IQCM: variants seen among roughly 807,000 people sequenced by gnomAD.
The protein encoded by IQCM is IQ domain-containing protein M.
A neutral mutation model predicts 57.6 loss-of-function variants in IQCM; 45 were observed. That is an observed-to-expected ratio of 0.78 (90% CI 0.62 to 1.00). The LOEUF is 1.00. IQCM is among the 50% of genes least tolerant of loss of function. IQCM has a pLI of 0.00. For synonymous variants in IQCM, 148 were observed against 158.9 expected (o/e 0.93, Z 0.51); for missense variants, 468 against 511.6 (o/e 0.91, Z 0.82).
intron 5 of IQCM, among the ~76,000 whole-genome samples, chr4:149,702,055 T>C (rs1763811471): frequency 6.6e-6 from 1 of 151,958 alleles, no homozygotes; most frequent in Non-Finnish European, 1.5e-5. Context: ...TGAGTGAATT[T>C]TTATGTATGT....
intron 5 of IQCM, among the ~76,000 whole-genome samples, chr4:149,688,535 A>C (rs1263580482): frequency 2.0e-5 from 3 of 152,112 alleles, no homozygotes; most frequent in Non-Finnish European, 4.4e-5. Flanking sequence ...GCCAAAAGCA[A>C]TCTACAAATT....
chr4:149,410,634 CT>C (rs944310741), intron 13 of IQCM, among the ~76,000 whole-genome samples: 102 of 148,098 alleles, frequency 6.9e-4, no homozygotes, highest in Non-Finnish European at 9.3e-4. Context: ...CATTGTCACA[CT>C]TTTTTTTTTA....
intron 13 of IQCM, among the ~76,000 whole-genome samples, chr4:149,375,464 T>C (rs527303341): frequency 1.3e-5 from 2 of 152,234 alleles, no homozygotes; most frequent in African/African-American, 4.8e-5. Flanking sequence ...GCTGGGTTAG[T>C]TTCTACTTTT....
intron 12 of IQCM, among the ~76,000 whole-genome samples, chr4:149,462,685 T>C (rs933175437): frequency 2.0e-5 from 3 of 152,218 alleles, no homozygotes; most frequent in African/African-American, 7.2e-5. Flanking sequence ...ATAATGATTC[T>C]GGTGAGAATG....
At chr4:149,491,225 C>T (rs1742062010) in intron 12 of IQCM, among the ~76,000 whole-genome samples, 1 of 151,956 alleles carries the variant, frequency 6.6e-6, no homozygotes, top group Admixed American at 6.6e-5. Flanking sequence ...AATACGTATA[C>T]TTTATGGAAT....
chr4:149,497,075 T>C (rs756253072), intron 12 of IQCM, among the ~76,000 whole-genome samples: 36 of 152,228 alleles, frequency 2.4e-4, no homozygotes, highest in Middle Eastern at 3.4e-3. Flanking sequence ...AAAGCCTTCA[T>C]GGAATTTCGC....
intron 2 of IQCM, among the ~76,000 whole-genome samples, chr4:149,768,384 C>G (rs901966658): frequency 1.3e-5 from 2 of 152,138 alleles, no homozygotes; most frequent in Admixed American, 1.3e-4. Context: ...AATGAACCAT[C>G]CAATTTTCTA....
chr4:149,713,492 C>G (rs796393660), intron 5 of IQCM, among the ~76,000 whole-genome samples: 3 of 152,270 alleles, frequency 2.0e-5, no homozygotes, highest in African/African-American at 7.2e-5. Context: ...AACACTAACC[C>G]AAGTGGACAT....
intron 13 of IQCM, among the ~76,000 whole-genome samples, chr4:149,389,236 T>C (rs1165111275): frequency 6.6e-6 from 1 of 152,038 alleles, no homozygotes; most frequent in Non-Finnish European, 1.5e-5. Context: ...GATCATTTGA[T>C]GAAAAGGTGA....
At chr4:149,750,749 GCA>G (rs1768359025) in intron 2 of IQCM, among the ~76,000 whole-genome samples, 2 of 152,096 alleles carry the variant, frequency 1.3e-5, no homozygotes, top group Non-Finnish European at 2.9e-5. Flanking sequence ...AATTTATAAA[GCA>G]TTCCCCGCTG....
intron 8 of IQCM, among the ~76,000 whole-genome samples, chr4:149,605,098 G>A (rs1398796670): frequency 1.3e-5 from 2 of 152,148 alleles, no homozygotes; most frequent in Non-Finnish European, 2.9e-5. Flanking sequence ...TGGGCCTAGT[G>A]CTCCCCAAAT....
At chr4:149,429,175 T>C (rs530221661) in intron 13 of IQCM, among the ~76,000 whole-genome samples, 1 of 151,854 alleles carries the variant, frequency 6.6e-6, no homozygotes, top group African/African-American at 2.4e-5. Context: ...CACAAAAGCT[T>C]AACGAAGGAG....
intron 12 of IQCM, among the ~76,000 whole-genome samples, chr4:149,505,499 C>T (rs1743712159): frequency 6.6e-6 from 1 of 152,012 alleles, no homozygotes; most frequent in Non-Finnish European, 1.5e-5. Flanking sequence ...TAAAATGTTG[C>T]TCTATAGTTT....
chr4:149,353,983 T>G (rs1166835892), intron 13 of IQCM, among the ~76,000 whole-genome samples: 1 of 152,190 alleles, frequency 6.6e-6, no homozygotes, highest in Non-Finnish European at 1.5e-5. Context: ...CTATGTTGCT[T>G]CACTATAGTA....
intron 12 of IQCM, among the ~76,000 whole-genome samples, chr4:149,495,381 A>C (rs1347857285): frequency 6.6e-6 from 1 of 152,124 alleles, no homozygotes; most frequent in Non-Finnish European, 1.5e-5. Flanking sequence ...AACCCATGTT[A>C]CTGGTGAAAG....
chr4:149,628,083 A>G (rs1011640372), intron 7 of IQCM, among the ~76,000 whole-genome samples: 1 of 152,226 alleles, frequency 6.6e-6, no homozygotes, highest in African/African-American at 2.4e-5. Flanking sequence ...CTCTACAAAT[A>G]TAAGAAAAAA....
chr4:149,582,920 G>GA (rs77311049), intron 9 of IQCM, among the ~76,000 whole-genome samples: 288 of 147,314 alleles, frequency 2.0e-3, no homozygotes, highest in African/African-American at 6.4e-3. Context: ...TCTCTTTCAG[G>GA]AAAAAAAAAA....
chr4:149,814,282 T>C (rs997673319), intron 2 of IQCM, among the ~76,000 whole-genome samples: 1 of 152,012 alleles, frequency 6.6e-6, no homozygotes, highest in Non-Finnish European at 1.5e-5. Context: ...AATTTCACTC[T>C]AAATGATAAT....
At chr4:149,474,588 G>T (rs889091609) in intron 12 of IQCM, among the ~76,000 whole-genome samples, 2 of 150,214 alleles carry the variant, frequency 1.3e-5, no homozygotes, top group Admixed American at 6.6e-5. Flanking sequence ...GTGGTAGCAT[G>T]TGCCTGTAAT....
Sources: gnomAD v4.1 joint callset for allele counts (sites outside exome capture counted in the v4.1 genomes callset) on GRCh38, gnomAD v4.1.1 for gene constraint, MANE v1.5 for transcripts, NCBI Gene and HGNC (gene_info 2026-07-23, HGNC 2026-07-21) for gene names.